Variants in ATRNL1 observed in about 807,000 individuals in gnomAD.
The protein encoded by ATRNL1 is attractin-like protein 1.
A neutral mutation model predicts 182.7 loss-of-function variants in ATRNL1; 95 were observed. The ratio of observed to expected loss-of-function variants is 0.52; its 90% CI spans 0.44 to 0.62. The LOEUF (loss-of-function observed/expected upper bound fraction) is 0.62, where lower values mean the gene tolerates loss of function less well. ATRNL1 is among the 20% of genes least tolerant of loss of function. The pLI, the probability that ATRNL1 is intolerant of heterozygous loss-of-function variation, is 0.00. For missense variants in ATRNL1, 1,471 were observed against 1,679.5 expected (o/e 0.88, Z 2.17); for synonymous variants, 576 against 568.3 (o/e 1.01, Z -0.19).
At position 115,516,116 on chromosome 10, in the gene ATRNL1, A is replaced by G. The variant is rs116995937; in HGVS notation, c.3655-3147A>G. 3.6e-3 allele frequency among the ~76,000 whole-genome samples: 543 copies of G among 152,068 alleles called. 7 individuals carry two copies. The East Asian group carries it at 0.045, about 13-fold the overall frequency. ...TAACCTTTCCTGTGAGCTTCAAGCT[A>G]GTAGTTACTGTCTACTCTTGAACAT... On this transcript the variant is annotated intron_variant, in intron 24 of 28. Transcript: ENST00000355044.
At chr10:115,351,450 T>G (rs1258383424) in intron 19 of ATRNL1, among the ~76,000 whole-genome samples, 3 of 152,138 alleles carry the variant, frequency 2.0e-5, no homozygotes, top group African/African-American at 7.2e-5. Flanking sequence ...GAGTTTTTTT[T>G]TAAATCATTA....
At chr10:115,353,007 T>C (rs1471750747) in intron 19 of ATRNL1, among the ~76,000 whole-genome samples, 1 of 152,234 alleles carries the variant, frequency 6.6e-6, no homozygotes, top group Non-Finnish European at 1.5e-5. Flanking sequence ...CTCAAGAATA[T>C]TCCATGTGCT....
chr10:115,726,632 CA>C (rs1281383342), intron 26 of ATRNL1, among the ~76,000 whole-genome samples: 1 of 152,182 alleles, frequency 6.6e-6, no homozygotes, highest in African/African-American at 2.4e-5. Context: ...GAAGTCCTTG[CA>C]CACAATTTCT....
At chr10:115,698,344 C>G (rs1946626793) in intron 26 of ATRNL1, among the ~76,000 whole-genome samples, 1 of 152,070 alleles carries the variant, frequency 6.6e-6, no homozygotes, top group Non-Finnish European at 1.5e-5. Flanking sequence ...ATCTGATGCC[C>G]TTGAACCAGA....
chr10:115,323,887 C>G (rs1312472373), intron 18 of ATRNL1, among the ~76,000 whole-genome samples: 4 of 152,082 alleles, frequency 2.6e-5, no homozygotes, highest in African/African-American at 9.7e-5. Flanking sequence ...ACGCCATTCT[C>G]CTGCCTCAGC....
intron 8 of ATRNL1, among the ~76,000 whole-genome samples, chr10:115,177,903 G>GTTTTTTTTTTTTTTTTTT (rs147613896): frequency 9.8e-6 from 1 of 102,062 alleles, no homozygotes; most frequent in Non-Finnish European, 1.9e-5. Context: ...TTGTTTTTTT[G>GTTTTTTTTTTTTTTTTTT]TTTTTTTTGT....
At position 115,722,354 on chromosome 10, in the gene ATRNL1, A is replaced by T. The variant is rs556738851; in HGVS notation, c.3796-4894A>T. On this transcript the variant is annotated intron_variant, in intron 26 of 28. Transcript: ENST00000355044. ...CACTATCTAGGAAAATTAACCTCACACTGGAAGACTGAAAGCAGAAGATTT... is the reference window on the plus strand; with the variant it reads ...CACTATCTAGGAAAATTAACCTCACTCTGGAAGACTGAAAGCAGAAGATTT... 7.9e-5 allele frequency among the ~76,000 whole-genome samples: 12 copies of T among 152,230 alleles called. No homozygotes were observed. In the South Asian group the frequency reaches 2.3e-3, roughly 29 times the overall value.
intron 26 of ATRNL1, among the ~76,000 whole-genome samples, chr10:115,629,459 T>G (rs1427179405): frequency 1.3e-5 from 2 of 152,156 alleles, no homozygotes; most frequent in East Asian, 3.8e-4. Context: ...AGGATAGGTA[T>G]GCCTAAGTCA....
intron 5 of ATRNL1, among the ~76,000 whole-genome samples, chr10:115,157,414 A>G (rs1184491500): frequency 2.0e-5 from 3 of 152,106 alleles, no homozygotes; most frequent in African/African-American, 7.2e-5. Flanking sequence ...TAAGACATCT[A>G]ATTTTTTTCT....
In ATRNL1 at chr10:115,543,419, T is replaced by C. The variant is rs146341827; in HGVS notation, c.3717-6039T>C. Among the ~76,000 whole-genome samples the C allele has an allele frequency of 2.6e-3, 399 of 152,322 alleles. 1 individual carries two copies. The highest frequency in any genetic ancestry group is 9.0e-3 in the African/African-American group (374 of 41,578). ...CTTTAAATGTCATGAAGGTATAAAA[T>C]TGAAAGATAGTTTGTGGAATAACAG... On this transcript the variant is annotated intron_variant, in intron 25 of 28. Transcript: ENST00000355044.
intron 27 of ATRNL1, among the ~76,000 whole-genome samples, chr10:115,794,383 T>C (rs1383794132): frequency 6.6e-6 from 1 of 152,146 alleles, no homozygotes; most frequent in Non-Finnish European, 1.5e-5. Context: ...TTAACACTGA[T>C]GTACGACTAC....
intron 22 of ATRNL1, among the ~76,000 whole-genome samples, chr10:115,463,181 T>C (rs2134538830): frequency 6.6e-6 from 1 of 152,026 alleles, no homozygotes; most frequent in African/African-American, 2.4e-5. Flanking sequence ...TCACTGGACT[T>C]GCTGACAACT....
intron 27 of ATRNL1, among the ~76,000 whole-genome samples, chr10:115,770,173 A>G (rs1555075999): frequency 6.6e-6 from 1 of 152,090 alleles, no homozygotes; most frequent in Non-Finnish European, 1.5e-5. Flanking sequence ...GAGAAAGTTT[A>G]TAAGGAAGCA....
intron 17 of ATRNL1, among the ~76,000 whole-genome samples, chr10:115,315,243 G>T (rs1854237634): frequency 6.6e-6 from 1 of 152,110 alleles, no homozygotes. Flanking sequence ...ATTTTCAGGG[G>T]TCTTCAATTA....
intron 26 of ATRNL1, among the ~76,000 whole-genome samples, chr10:115,646,824 AG>A (rs1555032648): frequency 6.6e-6 from 1 of 151,888 alleles, no homozygotes; most frequent in Non-Finnish European, 1.5e-5. Flanking sequence ...TTTAAGTTCT[AG>A]GGTACATGTG....
In ATRNL1 at chr10:115,093,509, G is replaced by T. The variant is rs1554862053; in HGVS notation, c.-242G>T. ...TCCGGGACGCCGCGGCTGTGGGGTCGGCCCGCTAAGGACAAGGTCGGGAGA... is the reference window on the plus strand; with the variant it reads ...TCCGGGACGCCGCGGCTGTGGGGTCTGCCCGCTAAGGACAAGGTCGGGAGA... On this transcript the variant is annotated 5_prime_UTR_variant, in exon 1 of 29. Coordinates refer to ENST00000355044, the MANE Select transcript of ATRNL1 (RefSeq NM_207303.4). The surrounding 1 kb of genome is among the most constrained non-coding windows in gnomAD (Gnocchi z 6.1). 1 of 654,934 alleles carries T rather than the reference G, an allele frequency of 1.5e-6. No homozygotes were observed. The highest frequency in any genetic ancestry group is 2.8e-6 in the Non-Finnish European group (1 of 360,842). 40.6% of individuals were successfully genotyped at this position (654,934 alleles called of 1,614,324 possible). A position where few individuals can be genotyped will look rare whatever the true frequency, so the allele number is the denominator to read the frequency against.
chr10:115,139,566 C>A (rs553902319), intron 5 of ATRNL1, among the ~76,000 whole-genome samples: 1 of 152,150 alleles, frequency 6.6e-6, no homozygotes, highest in African/African-American at 2.4e-5. Flanking sequence ...CTTGCTATCA[C>A]GAGAAGAGCA....
intron 21 of ATRNL1, among the ~76,000 whole-genome samples, chr10:115,431,791 T>C (rs1300271073): frequency 7.2e-5 from 11 of 152,178 alleles, no homozygotes; most frequent in African/African-American, 2.7e-4. Context: ...CACATCATTT[T>C]TGTTTTTCTT....
intron 13 of ATRNL1, among the ~76,000 whole-genome samples, chr10:115,270,451 G>GTA (rs568403789): frequency 0.011 from 1,541 of 143,728 alleles, 25 homozygotes; most frequent in African/African-American, 0.035. Context: ...TAATATATGT[G>GTA]TATATATATA....
Sources: gnomAD v4.1 joint callset for allele counts (sites outside exome capture counted in the v4.1 genomes callset) on GRCh38, gnomAD v4.1.1 for gene constraint, Gnocchi (gnomAD v3.1) non-coding constraint, MANE v1.5 for transcripts, NCBI Gene and HGNC (gene_info 2026-07-23, HGNC 2026-07-21) for gene names.